Variants in EXOC6B observed in about 807,000 individuals in gnomAD.
EXOC6B encodes SEC15 homolog B.
Under a neutral mutation model 113.5 loss-of-function variants are expected in EXOC6B, and 54 were observed. The observed-to-expected ratio is 0.48, with a 90% CI of 0.38 to 0.60. EXOC6B has a LOEUF of 0.60. Ranked by LOEUF, EXOC6B falls within the 20% of genes least tolerant of loss-of-function variation. The pLI, the probability that EXOC6B is intolerant of heterozygous loss-of-function variation, is 0.00. For synonymous variants in EXOC6B, 357 were observed against 339.0 expected (o/e 1.05, Z -0.58); for missense variants, 797 against 977.5 (o/e 0.82, Z 2.46).
intron 6 of EXOC6B, among the ~76,000 whole-genome samples, chr2:72,655,562 C>G (rs1209028552): frequency 6.6e-6 from 1 of 151,992 alleles, no homozygotes; most frequent in Non-Finnish European, 1.5e-5. Flanking sequence ...TTCACATAAA[C>G]TCCATTTAAT....
chr2:72,780,736 T>C (rs1683982030), intron 1 of EXOC6B, among the ~76,000 whole-genome samples: 1 of 152,198 alleles, frequency 6.6e-6, no homozygotes, highest in Non-Finnish European at 1.5e-5. Context: ...GTATATGATA[T>C]GCTTGCTTTA....
At chr2:72,431,486 T>C (rs1695517603) in intron 18 of EXOC6B, among the ~76,000 whole-genome samples, 1 of 21,746 alleles carries the variant, frequency 4.6e-5, no homozygotes. Flanking sequence ...TTGATTTCTT[T>C]ATCTATCTAT....
chr2:72,243,460 G>A (rs1301283703), intron 20 of EXOC6B, among the ~76,000 whole-genome samples: 4 of 152,066 alleles, frequency 2.6e-5, no homozygotes, highest in Non-Finnish European at 4.4e-5. Context: ...GGATGAAGCT[G>A]GAAACCATCA....
chr2:72,189,451 T>C (rs1678669517), intron 20 of EXOC6B, among the ~76,000 whole-genome samples: 1 of 152,202 alleles, frequency 6.6e-6, no homozygotes, highest in Admixed American at 6.5e-5. Flanking sequence ...TTTGATCACC[T>C]GATTAAGATG....
In EXOC6B at chr2:72,499,729, TCA is replaced by T. The variant is rs532331499; in HGVS notation, c.1239+170_1239+171del. On this transcript the variant is annotated intron_variant, in intron 12 of 21. Coordinates refer to ENST00000272427, the MANE Select transcript of EXOC6B (RefSeq NM_015189.3). ...TTTTATTTTTTGTATAGATGGAGTC[TCA>T]CTATATTTCTGAGGCTAGTCTTGGA... 3.1e-3 allele frequency among the ~76,000 whole-genome samples: 467 copies of T among 152,112 alleles called. 4 individuals are homozygous for T. Among genetic ancestry groups the T allele is most frequent in the Admixed American group, 3.3e-3 (51 of 15,270 alleles).
At chr2:72,315,100 A>G (rs760218197) in intron 20 of EXOC6B, among the ~76,000 whole-genome samples, 2 of 152,212 alleles carry the variant, frequency 1.3e-5, no homozygotes, top group Non-Finnish European at 2.9e-5. Flanking sequence ...GGGAAGTTGC[A>G]ATCTTAAATG....
At chr2:72,399,626 T>A (rs557563285) in intron 18 of EXOC6B, among the ~76,000 whole-genome samples, 1 of 152,148 alleles carries the variant, frequency 6.6e-6, no homozygotes, top group Non-Finnish European at 1.5e-5. Flanking sequence ...CAAAAATCAG[T>A]AGCATTTCCA....
At chr2:72,653,257 G>T (rs1456257500) in intron 6 of EXOC6B, among the ~76,000 whole-genome samples, 2 of 150,388 alleles carry the variant, frequency 1.3e-5, no homozygotes, top group East Asian at 3.9e-4. Context: ...TCCTTTGTAG[G>T]GACATGGATG....
Position 72,785,142 on chromosome 2 carries a change from A to G in EXOC6B, c.113+40656T>C, listed in dbSNP as rs550085509. 2.0e-5 allele frequency among the ~76,000 whole-genome samples: 3 copies of G among 152,318 alleles called. No homozygotes were observed. In the East Asian group the frequency reaches 5.8e-4, roughly 29 times the overall value. On this transcript the variant is annotated intron_variant, in intron 1 of 21. Coordinates refer to ENST00000272427, the MANE Select transcript of EXOC6B (RefSeq NM_015189.3). ...TCCTTTGACTCCAGGTCTCACATCCAAGTCACACTGATGTGAAAGGTAGGT... is the reference window on the plus strand; with the variant it reads ...TCCTTTGACTCCAGGTCTCACATCCGAGTCACACTGATGTGAAAGGTAGGT...
intron 1 of EXOC6B, among the ~76,000 whole-genome samples, chr2:72,812,023 A>G (rs191036111): frequency 6.6e-6 from 1 of 152,330 alleles, no homozygotes; most frequent in African/African-American, 2.4e-5. Context: ...GTCTTAGCAT[A>G]GTCCTAGATG....
rs572840539 is a variant in EXOC6B at position 72,424,446 on chromosome 2, T to C, written c.1980+40714A>G. 2.0e-5 allele frequency among the ~76,000 whole-genome samples: 3 copies of C among 152,278 alleles called. No individual in the cohort carries two copies. In the South Asian group the frequency reaches 6.2e-4, roughly 32 times the overall value. ...ATTTTAAGTCATCTCCCAATTTTTA[T>C]CCATAATTTTCTGTATTTTTGGCTT... On this transcript the variant is annotated intron_variant, in intron 18 of 21. Transcript: ENST00000272427.
At chr2:72,800,340 A>C (rs1053153075) in intron 1 of EXOC6B, among the ~76,000 whole-genome samples, 3 of 152,186 alleles carry the variant, frequency 2.0e-5, no homozygotes, top group Non-Finnish European at 4.4e-5. Flanking sequence ...AATCAAAGGA[A>C]AGATAAATTG....
intron 5 of EXOC6B, among the ~76,000 whole-genome samples, chr2:72,729,634 A>G (rs981211524): frequency 1.3e-5 from 2 of 151,968 alleles, no homozygotes; most frequent in Non-Finnish European, 2.9e-5. Context: ...CATGTTGGCC[A>G]GGCAGGTCTT....
chr2:72,599,030 G>T, intron 6 of EXOC6B, among the ~76,000 whole-genome samples: 1 of 152,034 alleles, frequency 6.6e-6, no homozygotes, highest in East Asian at 1.9e-4. Flanking sequence ...GCAGAAAGAT[G>T]CTTCCTAACT....
chr2:72,513,044 C>T, intron 11 of EXOC6B, 88 bp downstream of exon 11: 1 of 1,453,056 alleles, frequency 6.9e-7, no homozygotes, highest in Non-Finnish European at 9.4e-7. Context: ...ATTCCAAAGA[C>T]ATACATATGT....
intron 18 of EXOC6B, among the ~76,000 whole-genome samples, chr2:72,397,605 G>A (rs1236700901): frequency 9.5e-6 from 1 of 105,588 alleles, no homozygotes; most frequent in Admixed American, 8.4e-5. Context: ...GGTGACAGGT[G>A]AAACCTCATC....
At chr2:72,308,067 G>A (rs1037923137) in intron 20 of EXOC6B, among the ~76,000 whole-genome samples, 2 of 152,152 alleles carry the variant, frequency 1.3e-5, no homozygotes, top group African/African-American at 2.4e-5. Context: ...TCATTTGAAA[G>A]CATTATATAA....
At position 72,718,242 on chromosome 2, in the gene EXOC6B, T is replaced by C. The variant is rs1325667741; in HGVS notation, c.530A>G (p.Tyr177Cys). Residue 177 changes from tyrosine (Y) to cysteine (C), a missense_variant, in exon 6 of 22, where the codon TAT becomes TGT. Physicochemically the swap from Tyr to Cys is radical, Grantham distance 194. Transcript: ENST00000272427. Reference protein sequence around the residue: ...EHTYLPQVSHYRFCKVMVDNI... With the variant: ...EHTYLPQVSHCRFCKVMVDNI... Reference sequence around the variant, plus strand: ...GTCCACCATCACCTTGCAGAATCGATAGTGGCTTACTTGAGGCAGGTAGGT... The same window carrying C: ...GTCCACCATCACCTTGCAGAATCGACAGTGGCTTACTTGAGGCAGGTAGGT... 1.2e-6 allele frequency: 2 copies of C among 1,613,728 alleles called. No individual in the cohort carries two copies. The highest frequency in any genetic ancestry group is 1.7e-6 in the Non-Finnish European group (2 of 1,179,804).
intron 17 of EXOC6B, among the ~76,000 whole-genome samples, chr2:72,475,044 CA>C (rs1265573967): frequency 6.6e-6 from 1 of 152,142 alleles, no homozygotes; most frequent in Non-Finnish European, 1.5e-5. Flanking sequence ...ATAATTTCTT[CA>C]GTGGCTCAGG....
Sources: allele counts gnomAD v4.1 joint callset (sites outside exome capture counted in the v4.1 genomes callset), GRCh38; gene constraint gnomAD v4.1.1; transcripts MANE v1.5; gene names NCBI Gene and HGNC (gene_info 2026-07-23, HGNC 2026-07-21).